C7orf78: variants seen among roughly 807,000 people sequenced by gnomAD.
The protein encoded by C7orf78 is chromosome 7 open reading frame 78.
the C7orf78 span, among the ~76,000 whole-genome samples, chr7:12,511,814 C>T: frequency 2.0e-5 from 3 of 151,560 alleles, no homozygotes; most frequent in Admixed American, 6.6e-5. Context: ...TGCAGTGGCA[C>T]GATCTCAGCT....
the C7orf78 span, among the ~76,000 whole-genome samples, chr7:12,508,228 A>G: frequency 6.6e-6 from 1 of 152,352 alleles, no homozygotes; most frequent in South Asian, 2.1e-4. Flanking sequence ...CTGAGTATAT[A>G]TAGGAATGAA....
the C7orf78 span, among the ~76,000 whole-genome samples, chr7:12,501,109 C>G: frequency 2.0e-4 from 29 of 144,264 alleles, no homozygotes; most frequent in Non-Finnish European, 4.0e-4. Flanking sequence ...CTATGACAAA[C>G]CCACAGCCAA....
the C7orf78 span, among the ~76,000 whole-genome samples, chr7:12,496,214 C>T: frequency 6.6e-6 from 1 of 152,160 alleles, no homozygotes; most frequent in African/African-American, 2.4e-5. Context: ...CGTGAGCCAC[C>T]TCGTCTGGCT....
chr7:12,534,765 C>T, the C7orf78 span, among the ~76,000 whole-genome samples: 2,657 of 152,134 alleles, frequency 0.017, 52 homozygotes, highest in African/African-American at 0.049. Context: ...CCAGCATGGA[C>T]AACATTAGGA....
chr7:12,498,667 A>G, the C7orf78 span, among the ~76,000 whole-genome samples: 2 of 152,204 alleles, frequency 1.3e-5, no homozygotes, highest in African/African-American at 2.4e-5. Flanking sequence ...TCTGCAGGAT[A>G]TTATCCAGGA....
chr7:12,509,261 A>T, the C7orf78 span, among the ~76,000 whole-genome samples: 1 of 152,258 alleles, frequency 6.6e-6, no homozygotes, highest in South Asian at 2.1e-4. Context: ...TAGGTGTGAC[A>T]TTGTATGGCT....
At chr7:12,497,494 G>T in the C7orf78 span, among the ~76,000 whole-genome samples, 1 of 139,514 alleles carries the variant, frequency 7.2e-6, no homozygotes, top group Non-Finnish European at 1.6e-5. Flanking sequence ...GGAAAATCGG[G>T]TCACTCCCAC....
At chr7:12,530,012 A>ATGGTGTACTGTCATGACAC in the C7orf78 span, among the ~76,000 whole-genome samples, 2 of 151,898 alleles carry the variant, frequency 1.3e-5, no homozygotes, top group Non-Finnish European at 2.9e-5. Flanking sequence ...TGCCACAGCA[A>ATGGTGTACTGTCATGACAC]TGGTGGGGCT....
the C7orf78 span, among the ~76,000 whole-genome samples, chr7:12,537,114 T>C: frequency 6.6e-6 from 1 of 152,250 alleles, no homozygotes; most frequent in Non-Finnish European, 1.5e-5. Flanking sequence ...ACCAGTTTAC[T>C]GTATTAGTTC....
At chr7:12,525,839 A>C in the C7orf78 span, 1 of 397,038 alleles carries the variant, frequency 2.5e-6, no homozygotes, top group Non-Finnish European at 4.4e-6. Context: ...GGTTTACCAA[A>C]CTTTGAGACA....
the C7orf78 span, among the ~76,000 whole-genome samples, chr7:12,525,627 CA>C: frequency 6.6e-6 from 1 of 152,048 alleles, no homozygotes; most frequent in Admixed American, 6.6e-5. Flanking sequence ...ATTGTTTATA[CA>C]CTATTTAAAT....
chr7:12,491,687 A>G, the C7orf78 span: 6 of 152,328 alleles, frequency 3.9e-5, no homozygotes, highest in Non-Finnish European at 8.8e-5. Flanking sequence ...TGTGATGTGC[A>G]CTTCTATGTT....
chr7:12,534,977 G>GGGAAGGAAGGAGGGAAGGAA, the C7orf78 span, among the ~76,000 whole-genome samples: 1 of 130,372 alleles, frequency 7.7e-6, no homozygotes, highest in Non-Finnish European at 1.6e-5. Context: ...GAAGGAAGGA[G>GGGAAGGAAGGAGGGAAGGAA]GGAAGGAAGG....
At chr7:12,489,847 G>A in the C7orf78 span, among the ~76,000 whole-genome samples, 1 of 151,910 alleles carries the variant, frequency 6.6e-6, no homozygotes, top group Non-Finnish European at 1.5e-5. Context: ...AAGTAATGAA[G>A]CTGGCAGGAG....
the C7orf78 span, chr7:12,528,905 A>T: frequency 2.5e-6 from 1 of 398,426 alleles, no homozygotes; most frequent in Non-Finnish European, 4.4e-6. Context: ...TCTCTAGTAC[A>T]TGGGTACCAG....
chr7:12,508,395 T>C, the C7orf78 span, among the ~76,000 whole-genome samples: 24,276 of 138,326 alleles, frequency 0.18, 2,354 homozygotes, highest in South Asian at 0.29. Context: ...TAACATTTCA[T>C]TGGAAAAAAA....
At chr7:12,517,840 C>T in the C7orf78 span, among the ~76,000 whole-genome samples, 1 of 152,108 alleles carries the variant, frequency 6.6e-6, no homozygotes, top group Non-Finnish European at 1.5e-5. Flanking sequence ...TCTTGCTGAG[C>T]TCCTTTAAAA....
At chr7:12,490,516 A>C in the C7orf78 span, among the ~76,000 whole-genome samples, 3 of 152,142 alleles carry the variant, frequency 2.0e-5, no homozygotes, top group African/African-American at 7.2e-5. Flanking sequence ...TATTCCAGGA[A>C]CTGATTTTCA....
the C7orf78 span, among the ~76,000 whole-genome samples, chr7:12,484,929 G>A: frequency 5.9e-5 from 9 of 151,880 alleles, no homozygotes; most frequent in East Asian, 3.9e-4. Context: ...TGTCCTCTTC[G>A]ATTAGCTCAT....
Sources: gnomAD v4.1 joint callset for allele counts (sites outside exome capture counted in the v4.1 genomes callset) on GRCh38, gnomAD v4.1.1 for gene constraint, MANE v1.5 for transcripts, NCBI Gene and HGNC (gene_info 2026-07-23, HGNC 2026-07-21) for gene names.